EIF4EBP2: variants seen among roughly 807,000 people sequenced by gnomAD.
EIF4EBP2 encodes eukaryotic translation initiation factor 4E-binding protein 2.
A neutral mutation model predicts 10.3 loss-of-function variants in EIF4EBP2; 5 were observed. The ratio of observed to expected loss-of-function variants is 0.48; its 90% CI spans 0.25 to 1.02. EIF4EBP2 has a LOEUF of 1.02. Among genes scored for constraint, EIF4EBP2 ranks in the 50% least tolerant of loss-of-function variants. The pLI, the probability that EIF4EBP2 is intolerant of heterozygous loss-of-function variation, is 0.15. For missense variants in EIF4EBP2, 188 were observed against 162.2 expected (o/e 1.16, Z -0.86); for synonymous variants, 67 against 61.1 (o/e 1.10, Z -0.45).
intron 1 of EIF4EBP2, among the ~76,000 whole-genome samples, chr10:70,407,760 C>A (rs1051377621): frequency 7.8e-6 from 1 of 128,982 alleles, no homozygotes; most frequent in African/African-American, 2.9e-5. Context: ...CCAGACGGGG[C>A]GGCTGGCCGG....
At chr10:70,414,668 G>A (rs759340692) in intron 1 of EIF4EBP2, among the ~76,000 whole-genome samples, 11 of 152,186 alleles carry the variant, frequency 7.2e-5, no homozygotes, top group Non-Finnish European at 1.3e-4. Flanking sequence ...AGGAGTTCGA[G>A]ACCAGCCTGG....
At chr10:70,411,231 C>G (rs2137226060) in intron 1 of EIF4EBP2, among the ~76,000 whole-genome samples, 1 of 152,282 alleles carries the variant, frequency 6.6e-6, no homozygotes, top group Admixed American at 6.5e-5. Flanking sequence ...TCCCATTAAG[C>G]AGTACCACCG....
intron 1 of EIF4EBP2, among the ~76,000 whole-genome samples, chr10:70,419,639 A>G (rs889348625): frequency 6.6e-6 from 1 of 151,764 alleles, no homozygotes; most frequent in Non-Finnish European, 1.5e-5. Flanking sequence ...GAACCTTTTA[A>G]AAAAGTGAGG....
intron 1 of EIF4EBP2, among the ~76,000 whole-genome samples, chr10:70,409,120 A>C (rs564297084): frequency 6.6e-5 from 10 of 152,300 alleles, no homozygotes; most frequent in African/African-American, 2.4e-4. Context: ...CAGGAGATAC[A>C]GCTTACCCTT....
rs945655748 is a variant in EIF4EBP2, at chr10:70,425,916, G to A, written c.*4169G>A. The A allele has an allele frequency of 6.6e-6, 1 of 152,158 alleles. No individual in the cohort carries two copies. Among genetic ancestry groups the A allele is most frequent in the African/African-American group, 2.4e-5 (1 of 41,422 alleles). 9.4% of individuals were successfully genotyped at this position (152,158 alleles called of 1,614,324 possible). On this transcript the variant is annotated 3_prime_UTR_variant, in exon 3 of 3. Transcript: ENST00000373218. ...AGGTTCCCACCAGAGTCGGTGCTTG[G>A]TACCTGGTCTCTCCAGTCTCAACAG...
intron 1 of EIF4EBP2, among the ~76,000 whole-genome samples, chr10:70,407,628 A>C (rs1023251839): frequency 1.3e-5 from 2 of 151,892 alleles, no homozygotes; most frequent in Non-Finnish European, 2.9e-5. Flanking sequence ...TGAGCTGTTG[A>C]GTACACCTCC....
intron 1 of EIF4EBP2, among the ~76,000 whole-genome samples, chr10:70,416,518 G>A (rs141690553): frequency 1.4e-5 from 2 of 148,002 alleles, no homozygotes; most frequent in Admixed American, 1.4e-4. Context: ...GGCGGAGGTT[G>A]CAGTGAGCCA....
At chr10:70,419,217 T>G (rs1430803871) in intron 1 of EIF4EBP2, among the ~76,000 whole-genome samples, 1 of 152,166 alleles carries the variant, frequency 6.6e-6, no homozygotes, top group Non-Finnish European at 1.5e-5. Context: ...GTCGAGCACC[T>G]TTTAATGTAC....
chr10:70,405,278 C>G (rs543562278), intron 1 of EIF4EBP2, among the ~76,000 whole-genome samples: 8 of 152,302 alleles, frequency 5.3e-5, no homozygotes, highest in African/African-American at 9.6e-5. Context: ...TTGTCAAGGA[C>G]ACCCCAGTTG....
chr10:70,423,654 G>A lies in EIF4EBP2; in HGVS notation c.*1907G>A, dbSNP rs570135379. On this transcript the variant is annotated 3_prime_UTR_variant, in exon 3 of 3. Transcript: ENST00000373218. Reference sequence around the variant, plus strand: ...CCTGTTTGTTTTTCTTTTGAACTATGAAAAGACCCTGTTTGTGAATATATT... The same window carrying A: ...CCTGTTTGTTTTTCTTTTGAACTATAAAAAGACCCTGTTTGTGAATATATT... 1 of 152,616 alleles carries A rather than the reference G, an allele frequency of 6.6e-6. No individual in the cohort carries two copies. Among genetic ancestry groups the A allele is most frequent in the African/African-American group, 2.4e-5 (1 of 41,548 alleles). 9.5% of individuals were successfully genotyped at this position (152,616 alleles called of 1,614,324 possible). A position where few individuals can be genotyped will look rare whatever the true frequency, so the allele number is the denominator to read the frequency against.
rs369035098 is a variant in EIF4EBP2 at position 70,421,687 on chromosome 10, A to T, written c.332-29A>T. On this transcript the variant is annotated intron_variant, in intron 2 of 2. Coordinates refer to ENST00000373218, the MANE Select transcript of EIF4EBP2 (RefSeq NM_004096.5). Reference sequence around the variant, plus strand: ...TGTTATGCTTCTTTGTGTACGTGCTAAACTCTTCATTTTATTGGTCCTAAC... The same window carrying T: ...TGTTATGCTTCTTTGTGTACGTGCTTAACTCTTCATTTTATTGGTCCTAAC... The T allele has an allele frequency of 5.0e-6, 8 of 1,606,818 alleles. No individual in the cohort carries two copies. The African/African-American group carries it at 9.4e-5, about 19-fold the overall frequency.
rs1589144374 is a variant in EIF4EBP2 at position 70,404,497 on chromosome 10, T to G, written c.96T>G (p.His32Gln). 2.5e-6 allele frequency: 4 copies of G among 1,599,206 alleles called. No individual in the cohort carries two copies. Among genetic ancestry groups the G allele is most frequent in the East Asian group, 2.3e-5 (1 of 43,198 alleles). ...VAISDAAQLP[H>Q]DYCTTPGGTL... ...TCAGCGACGCCGCGCAGCTACCTCA[T>G]GACTATTGCACCACGCCCGGGGGGA... Residue 32 changes from histidine to glutamine, a missense_variant, in exon 1 of 3, where the codon CAT (histidine) becomes CAG (glutamine). His to Gln is a conservative substitution (Grantham distance 24). Transcript: ENST00000373218.
intron 1 of EIF4EBP2, among the ~76,000 whole-genome samples, chr10:70,408,563 G>GT (rs1845008535): frequency 6.6e-6 from 1 of 152,210 alleles, no homozygotes; most frequent in Non-Finnish European, 1.5e-5. Flanking sequence ...GACGGTTTGT[G>GT]TATCTCTAAT....
chr10:70,419,913 GGAACTC>G lies in EIF4EBP2; in HGVS notation c.149_154del (p.Thr50_Arg51del), dbSNP rs1845136396. 6.4e-7 allele frequency: 1 copy of G among 1,564,940 alleles called. No individual in the cohort carries two copies. The highest frequency in any genetic ancestry group is 2.0e-5 in the Admixed American group (1 of 49,308). On this transcript the variant is annotated inframe_deletion and splice_region_variant, in exon 2 of 3. Coordinates refer to ENST00000373218, the MANE Select transcript of EIF4EBP2 (RefSeq NM_004096.5). ...AAACTCTTTTTAACCCTGTTTTCCA[GGAACTC>G]GAATCATTTATGACAGAAAGTTTCT...
At chr10:70,411,657 G>A (rs900632462) in intron 1 of EIF4EBP2, among the ~76,000 whole-genome samples, 1 of 152,056 alleles carries the variant, frequency 6.6e-6, no homozygotes, top group Non-Finnish European at 1.5e-5. Flanking sequence ...TTCTCACCAT[G>A]TTTCCCAAGC....
At position 70,423,888 on chromosome 10, in the gene EIF4EBP2, T is replaced by C. The variant is rs572275247; in HGVS notation, c.*2141T>C. 1 of 152,664 alleles carries C rather than the reference T, an allele frequency of 6.6e-6. No homozygotes were observed. The highest frequency in any genetic ancestry group is 2.4e-5 in the African/African-American group (1 of 41,590). 9.5% of individuals were successfully genotyped at this position (152,664 alleles called of 1,614,324 possible). ...TTGTTTAATGTATCCCTGTTCTGTT[T>C]TTAATTAAACTCCAAGTCTCATTTT... On this transcript the variant is annotated 3_prime_UTR_variant, in exon 3 of 3. Transcript: ENST00000373218.
intron 1 of EIF4EBP2, among the ~76,000 whole-genome samples, chr10:70,406,148 T>C (rs552729000): frequency 6.6e-6 from 1 of 152,208 alleles, no homozygotes; most frequent in African/African-American, 2.4e-5. Context: ...GCCTGGCTAA[T>C]TTTTTTGTAT....
chr10:70,420,017 C>G lies in EIF4EBP2; in HGVS notation c.249C>G (p.Ser83Arg), dbSNP rs931257592. The G allele has an allele frequency of 1.9e-6, 3 of 1,613,146 alleles. No individual in the cohort carries two copies. The highest frequency in any genetic ancestry group is 2.5e-6 in the Non-Finnish European group (3 of 1,179,714). The stretch of plus-strand genomic sequence containing the variant: ...TGCCCAATATCCCAGGAGTCACTAG[C>G]CCTGGCACCTTAATTGAAGACTCCA... The part of the protein sequence containing the change: ...CHLPNIPGVT[S>R]PGTLIEDSKV... Residue 83 changes from serine (S) to arginine (R), a missense_variant, in exon 2 of 3, where the codon AGC (serine) becomes AGG (arginine). Coordinates refer to ENST00000373218, the MANE Select transcript of EIF4EBP2 (RefSeq NM_004096.5).
intron 1 of EIF4EBP2, among the ~76,000 whole-genome samples, chr10:70,416,707 C>CT (rs1298005021): frequency 7.3e-6 from 1 of 136,466 alleles, no homozygotes. Context: ...ACTCTGTCAT[C>CT]TAAGCTGAGT....
Sources: allele counts gnomAD v4.1 joint callset (sites outside exome capture counted in the v4.1 genomes callset), GRCh38; gene constraint gnomAD v4.1.1; transcripts MANE v1.5; gene names NCBI Gene and HGNC (gene_info 2026-07-23, HGNC 2026-07-21).